CTDSP2: variants seen among roughly 807,000 people sequenced by gnomAD.
The protein encoded by CTDSP2 is carboxy-terminal domain RNA polymerase II polypeptide A small phosphatase 2.
CTDSP2 carries 9 observed loss-of-function variants against 31.6 expected under a neutral mutation model. The ratio of observed to expected loss-of-function variants is 0.28; its 90% CI spans 0.17 to 0.50. The LOEUF is 0.50. CTDSP2 is among the 20% of genes least tolerant of loss of function. CTDSP2 has a pLI of 0.98. For missense variants in CTDSP2, 267 were observed against 348.5 expected (o/e 0.77, Z 1.86); for synonymous variants, 134 against 134.5 (o/e 1.00, Z 0.03).
Position 57,821,743 on chromosome 12 carries a change from G to C in CTDSP2, c.*1859C>G, listed in dbSNP as rs558002827. 6.6e-6 allele frequency: 1 copy of C among 152,376 alleles called. No homozygotes were observed. Among genetic ancestry groups the C allele is most frequent in the Non-Finnish European group, 1.5e-5 (1 of 68,064 alleles). The allele number at this position is 152,376 out of a possible 1,614,324, so 9.4% of individuals were successfully genotyped here. Reference sequence around the variant, plus strand: ...CCTTTAGGTACACCGGGACCCCATAGGCACCGGGGAGTGATGCTGGCGGAA... The same window carrying C: ...CCTTTAGGTACACCGGGACCCCATACGCACCGGGGAGTGATGCTGGCGGAA... On this transcript the variant is annotated 3_prime_UTR_variant, in exon 8 of 8. Transcript: ENST00000398073.
chr12:57,824,527 T>C (rs1256493331), intron 5 of CTDSP2: 5 of 666,192 alleles, frequency 7.5e-6, no homozygotes. Flanking sequence ...AATGGATCAG[T>C]GGTCCCAACC....
At chr12:57,834,167 CT>C (rs879724891) in intron 1 of CTDSP2, among the ~76,000 whole-genome samples, 17 of 148,560 alleles carry the variant, frequency 1.1e-4, no homozygotes, top group African/African-American at 2.5e-4. Flanking sequence ...TTCTGGAAAA[CT>C]TTTTTTTTTT....
chr12:57,825,562 G>A (rs1231630763), intron 5 of CTDSP2, among the ~76,000 whole-genome samples: 4 of 152,236 alleles, frequency 2.6e-5, no homozygotes, highest in Non-Finnish European at 4.4e-5. Flanking sequence ...AAGGGCTGCT[G>A]GACCAAGCCT....
At chr12:57,828,494 C>A (rs963290393) in intron 2 of CTDSP2, among the ~76,000 whole-genome samples, 12 of 151,844 alleles carry the variant, frequency 7.9e-5, no homozygotes, top group African/African-American at 2.9e-4. Flanking sequence ...AAAATCCTAG[C>A]ACTTAGATAA....
chr12:57,831,235 C>G (rs543576408), intron 1 of CTDSP2, among the ~76,000 whole-genome samples: 1 of 151,902 alleles, frequency 6.6e-6, no homozygotes, highest in South Asian at 2.1e-4. Flanking sequence ...GCAGGTGGAT[C>G]ACTTGAGGTC....
chr12:57,824,928 C>A (rs1022177752), intron 5 of CTDSP2, among the ~76,000 whole-genome samples: 1 of 152,174 alleles, frequency 6.6e-6, no homozygotes, highest in Non-Finnish European at 1.5e-5. Flanking sequence ...GCCACCTGAC[C>A]CCCCATCGGT....
In CTDSP2 at chr12:57,821,501, T is replaced by TTA. The variant is rs1956144625; in HGVS notation, c.*2100_*2101insTA. On this transcript the variant is annotated 3_prime_UTR_variant, in exon 8 of 8. Coordinates refer to ENST00000398073, the MANE Select transcript of CTDSP2 (RefSeq NM_005730.4). Reference sequence around the variant, plus strand: ...AGTCAGCTTAGAGCCTCTTATTGCTTATTTAGTCAGAAAAGCCTGGCTGGG... The same window carrying TTA: ...AGTCAGCTTAGAGCCTCTTATTGCTTTAATTTAGTCAGAAAAGCCTGGCTGGG... 6.6e-6 allele frequency: 1 copy of TTA among 152,606 alleles called. No homozygotes were observed. The highest frequency in any genetic ancestry group is 6.5e-5 in the Admixed American group (1 of 15,284). The allele number at this position is 152,606 out of a possible 1,614,324, so 9.5% of individuals were successfully genotyped here.
In CTDSP2 at chr12:57,823,658, C is replaced by T; in HGVS notation, c.760G>A (p.Glu254Lys). The T allele has an allele frequency of 6.2e-6, 10 of 1,614,094 alleles. No individual in the cohort carries two copies. Among genetic ancestry groups the T allele is most frequent in the Non-Finnish European group, 8.5e-6 (10 of 1,180,002 alleles). ...TAGACGTCCTCTGCTCCGCTCAGCT[C>T]CTCAAAGATTGGGATCAGGTTCAGC... ...ELLNLIPIFE[E>K]LSGAEDVYTS... is the part of the protein sequence containing the mutation. Residue 254 changes from glutamate (E) to lysine (K), a missense_variant, in exon 8 of 8, where the codon GAG (glutamate) becomes AAG (lysine). Transcript: ENST00000398073.
intron 2 of CTDSP2, 132 bp downstream of exon 2, chr12:57,829,316 G>T: frequency 9.9e-7 from 1 of 1,013,020 alleles, no homozygotes. Flanking sequence ...GAAGGATGGA[G>T]GAAGGGCCCC....
At chr12:57,842,971 G>A (rs949829937) in intron 1 of CTDSP2, among the ~76,000 whole-genome samples, 1 of 152,184 alleles carries the variant, frequency 6.6e-6, no homozygotes, top group Non-Finnish European at 1.5e-5. Flanking sequence ...TTGCCACATC[G>A]TAATTTTCAG....
chr12:57,822,242 C>T lies in CTDSP2; in HGVS notation c.*1360G>A, dbSNP rs555531399. 2.0e-5 allele frequency: 3 copies of T among 152,578 alleles called. No homozygotes were observed. The highest frequency in any genetic ancestry group is 4.4e-5 in the Non-Finnish European group (3 of 68,010). The allele number at this position is 152,578 out of a possible 1,614,324, so 9.5% of individuals were successfully genotyped here. Reference sequence around the variant, plus strand: ...AGCAGCACTTCCTCTTATTTTCCACCCTGGGAAAACTTCCATTTCGTGATG... The same window carrying T: ...AGCAGCACTTCCTCTTATTTTCCACTCTGGGAAAACTTCCATTTCGTGATG... On this transcript the variant is annotated 3_prime_UTR_variant, in exon 8 of 8. Transcript: ENST00000398073.
rs778207480 is a variant in CTDSP2 at position 57,846,417 on chromosome 12, T to C, written c.19A>G (p.Ile7Val). The C allele has an allele frequency of 4.7e-5, 76 of 1,606,936 alleles. No individual in the cohort carries two copies. The highest frequency in any genetic ancestry group is 6.1e-5 in the Non-Finnish European group (72 of 1,177,138). ...GCGTCTTCCCTCCGCGCCTGGGTGA[T>C]GATGGAGCCGTGTTCCATCTAACAA... The part of the protein sequence containing the change: MEHGSI[I>V]TQARREDALV... The change falls in exon 1 of 8, where the codon ATC becomes GTC. Residue 7 changes from isoleucine (I) to valine (V), a missense_variant. Transcript: ENST00000398073.
In CTDSP2 at chr12:57,820,424, A is replaced by G. The variant is rs1595182434; in HGVS notation, c.*3178T>C. Reference sequence around the variant, plus strand: ...GGGAAAATGGACTTACCTTTCTCATATACTTGGCCTGGCTAGGACACTGGG... The same window carrying G: ...GGGAAAATGGACTTACCTTTCTCATGTACTTGGCCTGGCTAGGACACTGGG... On this transcript the variant is annotated 3_prime_UTR_variant, in exon 8 of 8. Transcript: ENST00000398073. 1 of 152,356 alleles carries G rather than the reference A, an allele frequency of 6.6e-6. No individual in the cohort carries two copies. Among genetic ancestry groups the G allele is most frequent in the East Asian group, 1.9e-4 (1 of 5,186 alleles). 9.4% of individuals were successfully genotyped at this position (152,356 alleles called of 1,614,324 possible). A position where few individuals can be genotyped will look rare whatever the true frequency, so the allele number is the denominator to read the frequency against.
At chr12:57,827,885 T>C (rs575675286) in intron 2 of CTDSP2, among the ~76,000 whole-genome samples, 97 of 152,292 alleles carry the variant, frequency 6.4e-4, no homozygotes, top group African/African-American at 2.3e-3. Flanking sequence ...AGTAACTGAT[T>C]CAGGGACACA....
At position 57,823,327 on chromosome 12, in the gene CTDSP2, G is replaced by C. The variant is rs955145979; in HGVS notation, c.*275C>G. 6 of 472,490 alleles carry C rather than the reference G, an allele frequency of 1.3e-5. No homozygotes were observed. The highest frequency in any genetic ancestry group is 2.3e-5 in the Non-Finnish European group (6 of 256,382). 29.3% of individuals were successfully genotyped at this position (472,490 alleles called of 1,614,324 possible). ...TCCCCCACTGAAACACTATACACTG[G>C]GGCCACAGTTCATGGCAAAACACAC... On this transcript the variant is annotated 3_prime_UTR_variant, in exon 8 of 8. Coordinates refer to ENST00000398073, the MANE Select transcript of CTDSP2 (RefSeq NM_005730.4).
At position 57,820,089 on chromosome 12, in the gene CTDSP2, T is replaced by C. The variant is rs1483027634; in HGVS notation, c.*3513A>G. On this transcript the variant is annotated 3_prime_UTR_variant, in exon 8 of 8. Coordinates refer to ENST00000398073, the MANE Select transcript of CTDSP2 (RefSeq NM_005730.4). ...TGTAAGCAAGGTAGTCAGAATCCCATAGCCCAGTCACAGTGGGAAGCAGAT... is the reference window on the plus strand; with the variant it reads ...TGTAAGCAAGGTAGTCAGAATCCCACAGCCCAGTCACAGTGGGAAGCAGAT... 2 of 152,578 alleles carry C rather than the reference T, an allele frequency of 1.3e-5. No individual in the cohort carries two copies. The highest frequency in any genetic ancestry group is 4.8e-5 in the African/African-American group (2 of 41,432). 9.5% of individuals were successfully genotyped at this position (152,578 alleles called of 1,614,324 possible).
At chr12:57,840,562 A>C (rs939309731) in intron 1 of CTDSP2, among the ~76,000 whole-genome samples, 2 of 152,144 alleles carry the variant, frequency 1.3e-5, no homozygotes, top group Admixed American at 1.3e-4. Context: ...GCTGGGATCT[A>C]CTATCCAGGA....
intron 4 of CTDSP2, among the ~76,000 whole-genome samples, 167 bp downstream of exon 4, chr12:57,826,829 G>T (rs546155131): frequency 2.0e-4 from 30 of 152,308 alleles, no homozygotes; most frequent in African/African-American, 6.7e-4. Context: ...ATTCTTCAGT[G>T]GGGCCTCTAG....
At chr12:57,829,422 G>A in intron 2 of CTDSP2, 26 bp downstream of exon 2, 1 of 1,607,324 alleles carries the variant, frequency 6.2e-7, no homozygotes, top group African/African-American at 1.3e-5. Context: ...TTCATTGCTG[G>A]CATCTTACCA....
Sources: gnomAD v4.1 joint callset for allele counts (sites outside exome capture counted in the v4.1 genomes callset) on GRCh38, gnomAD v4.1.1 for gene constraint, MANE v1.5 for transcripts, NCBI Gene and HGNC (gene_info 2026-07-23, HGNC 2026-07-21) for gene names.